ATP10D: variants seen among roughly 807,000 people sequenced by gnomAD.
ATP10D encodes phospholipid-transporting ATPase VD.
Under a neutral mutation model 144.8 loss-of-function variants are expected in ATP10D, and 89 were observed. The observed-to-expected ratio is 0.61, with a 90% confidence interval of 0.52 to 0.73. The LOEUF (loss-of-function observed/expected upper bound fraction) is 0.73. Ranked by LOEUF, ATP10D falls within the 30% of genes least tolerant of loss-of-function variation. The pLI, the probability that ATP10D is intolerant of heterozygous loss-of-function variation, is 0.00. For synonymous variants in ATP10D, 571 were observed against 615.1 expected, an observed-to-expected ratio of 0.93 and a Z score of 1.06; for missense variants, 1,603 against 1,714.8, an observed-to-expected ratio of 0.93 and a Z score of 1.15.
intron 18 of ATP10D, among the ~76,000 whole-genome samples, chr4:47,575,408 CA>C: frequency 6.6e-6 from 1 of 152,222 alleles, no homozygotes; most frequent in Non-Finnish European, 1.5e-5. Flanking sequence ...CTAGGGTCAC[CA>C]ACTATCCTGG....
chr4:47,547,896 A>G lies in ATP10D; in HGVS notation c.1635+1034A>G, dbSNP rs578071613. On this transcript the variant is annotated intron_variant, in intron 10 of 22. Coordinates refer to ENST00000273859, the MANE Select transcript of ATP10D (RefSeq NM_020453.4). Reference sequence around the variant, plus strand: ...GCACTAATATAAAAACTATTATATTATATCTTAGCCATATGTCAAGTGATT... The same window carrying G: ...GCACTAATATAAAAACTATTATATTGTATCTTAGCCATATGTCAAGTGATT... 2.0e-5 allele frequency among the ~76,000 whole-genome samples: 3 copies of G among 152,322 alleles called. No individual in the cohort carries two copies. In the South Asian group the frequency reaches 6.2e-4, roughly 32 times the overall value.
chr4:47,523,095 C>T lies in ATP10D; in HGVS notation c.569C>T (p.Pro190Leu), dbSNP rs1402799834. The change falls in exon 4 of 23, where the codon CCT (proline) becomes CTT (leucine). Residue 190 changes from proline (P) to leucine (L), a missense_variant. By Grantham distance (98) the Pro-to-Leu change is moderately conservative. Coordinates refer to ENST00000273859, the MANE Select transcript of ATP10D (RefSeq NM_020453.4). The stretch of plus-strand genomic sequence containing the variant: ...CGCCTCTCCTGCAACGAGGTCATCC[C>T]TGCAGACATGGTACTACTCTTTTCC... ...FIRLSCNEVIPADMVLLFSTD... is the reference protein window; with the variant it reads ...FIRLSCNEVILADMVLLFSTD... The T allele has an allele frequency of 6.2e-7, 1 of 1,613,876 alleles. No individual in the cohort carries two copies. Among genetic ancestry groups the T allele is most frequent in the East Asian group, 2.2e-5 (1 of 44,862 alleles).
Position 47,535,522 on chromosome 4 carries a change from A to G in ATP10D, c.790A>G (p.Lys264Glu). ...TCTTTCTTATAGAGAACATTCCAAC[A>G]AAGAACGCGTGGGTCTCAGTAAAGA... The part of the protein sequence containing the change: ...RFRGFLEHSN[K>E]ERVGLSKENL... Residue 264 changes from lysine (K) to glutamate (E), a missense_variant, in exon 6 of 23, where the codon AAA becomes GAA. Transcript: ENST00000273859. The G allele has an allele frequency of 1.2e-6, 2 of 1,610,234 alleles. No homozygotes were observed. Among genetic ancestry groups the G allele is most frequent in the Non-Finnish European group, 1.7e-6 (2 of 1,178,590 alleles).
intron 22 of ATP10D, among the ~76,000 whole-genome samples, chr4:47,587,969 T>G (rs1720866194): frequency 7.2e-6 from 1 of 139,614 alleles, no homozygotes; most frequent in Non-Finnish European, 1.5e-5. Context: ...TTTTTATATT[T>G]TTGTTTGTTT....
chr4:47,566,819 T>C (rs1370286271), intron 15 of ATP10D, among the ~76,000 whole-genome samples: 1 of 152,216 alleles, frequency 6.6e-6, no homozygotes, highest in Non-Finnish European at 1.5e-5. Context: ...GTACCTTATT[T>C]AATATGCATA....
At chr4:47,577,626 T>G (rs2109470612) in intron 19 of ATP10D, among the ~76,000 whole-genome samples, 1 of 152,368 alleles carries the variant, frequency 6.6e-6, no homozygotes, top group Admixed American at 6.5e-5. Context: ...AATCCCAAAT[T>G]TAAAATAATG....
At chr4:47,514,625 T>C (rs1254171875) in intron 2 of ATP10D, among the ~76,000 whole-genome samples, 1 of 152,142 alleles carries the variant, frequency 6.6e-6, no homozygotes, top group Admixed American at 6.5e-5. Flanking sequence ...TGGAGAAGTA[T>C]TTGAATATAT....
At chr4:47,496,728 A>G (rs1377716173) in intron 1 of ATP10D, among the ~76,000 whole-genome samples, 2 of 152,060 alleles carry the variant, frequency 1.3e-5, no homozygotes, top group South Asian at 2.1e-4. Flanking sequence ...TTTTTCCTAT[A>G]TATTTATAGT....
Position 47,508,862 on chromosome 4 carries a change from G to A in ATP10D, c.-37-3642G>A, listed in dbSNP as rs866420830. On this transcript the variant is annotated intron_variant, in intron 1 of 22. Transcript: ENST00000273859. ...ATAAGTCATTGGGTAGAATTTTGCT[G>A]TAGGACTAATGGTTTGTGACCACTG... 2.2e-4 allele frequency among the ~76,000 whole-genome samples: 34 copies of A among 152,218 alleles called. 1 individual carries two copies. The highest frequency in any genetic ancestry group is 7.2e-4 in the African/African-American group (30 of 41,450).
chr4:47,548,771 A>G (rs1053832060), intron 10 of ATP10D, among the ~76,000 whole-genome samples: 5 of 152,210 alleles, frequency 3.3e-5, no homozygotes, highest in African/African-American at 4.8e-5. Flanking sequence ...GTCTTCCTCA[A>G]TGTATAAGAT....
At chr4:47,510,001 A>G (rs1426863992) in intron 1 of ATP10D, among the ~76,000 whole-genome samples, 7 of 150,288 alleles carry the variant, frequency 4.7e-5, no homozygotes, top group Admixed American at 3.4e-4. Context: ...ACTTTGCATC[A>G]TAGAATGTAT....
At chr4:47,557,483 T>C (rs1241823659) in intron 11 of ATP10D, among the ~76,000 whole-genome samples, 181 bp from the exon 12 acceptor site, 4 of 152,156 alleles carry the variant, frequency 2.6e-5, no homozygotes, top group Non-Finnish European at 5.9e-5. Flanking sequence ...TGAATAGTTA[T>C]TAAAAAACAA....
chr4:47,533,282 A>G (rs1044786912), intron 5 of ATP10D, among the ~76,000 whole-genome samples: 1 of 152,134 alleles, frequency 6.6e-6, no homozygotes, highest in Non-Finnish European at 1.5e-5. Flanking sequence ...TTGAGACTTC[A>G]TTTCCTCATC....
rs184019410 is a variant in ATP10D, at chr4:47,515,487, T to C, written c.302T>C (p.Leu101Ser). ...TGTTTGGGTTGCAGAGCTGCCAATT[T>C]ATATTTCCTGTTCCTAGTTGTCCTG... The part of the protein sequence containing the change: ...LFEQFHRAAN[L>S]YFLFLVVLNW... Residue 101 changes from leucine (L) to serine (S), a missense_variant, in exon 3 of 23, where the codon TTA becomes TCA. Leu to Ser is a moderately radical substitution (Grantham distance 145). Transcript: ENST00000273859. 9 of 1,610,742 alleles carry C rather than the reference T, an allele frequency of 5.6e-6. No homozygotes were observed. In the East Asian group the frequency reaches 2.0e-4, roughly 36 times the overall value.
intron 17 of ATP10D, among the ~76,000 whole-genome samples, chr4:47,572,629 T>C (rs1361801528): frequency 1.5e-5 from 2 of 136,090 alleles, no homozygotes; most frequent in Admixed American, 1.5e-4. Context: ...AGTGGGAGTG[T>C]CCTATTTGTG....
In ATP10D at chr4:47,546,333, G is replaced by T. The variant is rs541124867; in HGVS notation, c.1397-291G>T. On this transcript the variant is annotated intron_variant, in intron 9 of 22. Coordinates refer to ENST00000273859, the MANE Select transcript of ATP10D (RefSeq NM_020453.4). ...ATGACAAGTGGAGAATTTGGTGTCT[G>T]AAACAGAGATGCTTTGTCCACAGTA... Among the ~76,000 whole-genome samples, 160 of 39,308 alleles carry T rather than the reference G, an allele frequency of 4.1e-3. 3 individuals carry two copies. The highest frequency in any genetic ancestry group is 0.028 in the African/African-American group (158 of 5,726). The allele number at this position is 39,308 out of a possible 152,430, so 25.8% of individuals were successfully genotyped here. A position where few individuals can be genotyped will look rare whatever the true frequency, so the allele number is the denominator to read the frequency against.
At chr4:47,537,085 T>C (rs931162062) in intron 9 of ATP10D, 147 bp downstream of exon 9, 7 of 949,920 alleles carry the variant, frequency 7.4e-6, no homozygotes, top group Non-Finnish European at 1.1e-5. Context: ...TTAAACTTCA[T>C]TGTTGTTCCT....
rs537212141 is a variant in ATP10D, at chr4:47,587,124, T to C, written c.3859T>C (p.Tyr1287His). ...CVTCNPPSNP[Y>H]WIMQEHMLDP... ...AACTTGCAACCCACCATCCAACCCT[T>C]ACTGGATTATGCAGGAGCACATGCT... The change falls in exon 22 of 23, where the codon TAC becomes CAC. Residue 1287 changes from tyrosine (Y) to histidine (H), a missense_variant. Tyr to His is a moderately conservative substitution (Grantham distance 83, BLOSUM62 2). Transcript: ENST00000273859. The C allele has an allele frequency of 6.2e-7, 1 of 1,614,102 alleles. No individual in the cohort carries two copies. The highest frequency in any genetic ancestry group is 8.5e-7 in the Non-Finnish European group (1 of 1,179,952).
chr4:47,587,251 G>A (rs754067298), intron 22 of ATP10D, 45 bp downstream of exon 22: 54 of 1,543,494 alleles, frequency 3.5e-5, no homozygotes, highest in Non-Finnish European at 4.6e-5. Flanking sequence ...GGAATCATAG[G>A]CTAAGAATCC....
Sources: allele counts gnomAD v4.1 joint callset (sites outside exome capture counted in the v4.1 genomes callset), GRCh38; gene constraint gnomAD v4.1.1; transcripts MANE v1.5; gene names NCBI Gene and HGNC (gene_info 2026-07-23, HGNC 2026-07-21).